The following HEMK2 variants were observed in gnomAD, a reference collection of about 807,000 sequenced individuals.
HEMK2 encodes HemK methyltransferase 2, ETF1 glutamine and histone H4 lysine.
chr21:28,651,419 T>C, the HEMK2 span, among the ~76,000 whole-genome samples: 1 of 152,216 alleles, frequency 6.6e-6, no homozygotes. Context: ...TGGAAATAAA[T>C]GTGATGGTAG....
At chr21:28,805,595 T>A in the HEMK2 span, among the ~76,000 whole-genome samples, 1 of 152,198 alleles carries the variant, frequency 6.6e-6, no homozygotes, top group Non-Finnish European at 1.5e-5. Flanking sequence ...TATCAGAGTA[T>A]GTTTTGAGTC....
the HEMK2 span, chr21:28,880,059 G>T: frequency 1.4e-6 from 1 of 723,222 alleles, no homozygotes; most frequent in Non-Finnish European, 2.2e-6. Context: ...AAAATAATGT[G>T]TTACGGGCTA....
chr21:28,729,277 T>C, the HEMK2 span, among the ~76,000 whole-genome samples: 3 of 152,174 alleles, frequency 2.0e-5, no homozygotes, highest in Admixed American at 6.5e-5. Context: ...GCACTTGAGA[T>C]GTTCATGCCT....
chr21:28,620,683 T>C, the HEMK2 span, among the ~76,000 whole-genome samples: 5 of 63,900 alleles, frequency 7.8e-5, no homozygotes, highest in African/African-American at 2.1e-4. Context: ...TTTTTTTTTT[T>C]TTTTTTTTGA....
At chr21:28,635,508 A>T in the HEMK2 span, among the ~76,000 whole-genome samples, 1 of 152,200 alleles carries the variant, frequency 6.6e-6, no homozygotes, top group Non-Finnish European at 1.5e-5. Flanking sequence ...CATTACCACT[A>T]AAAATTAACA....
the HEMK2 span, among the ~76,000 whole-genome samples, chr21:28,665,733 T>C: frequency 6.6e-6 from 1 of 151,602 alleles, no homozygotes; most frequent in African/African-American, 2.4e-5. Flanking sequence ...ATCCCATTAC[T>C]GGGTATATAC....
chr21:28,697,639 C>T, the HEMK2 span, among the ~76,000 whole-genome samples: 1 of 152,076 alleles, frequency 6.6e-6, no homozygotes, highest in Admixed American at 6.5e-5. Context: ...GAAGCTGCCA[C>T]CTTCTTTCTC....
chr21:28,717,276 C>T, the HEMK2 span, among the ~76,000 whole-genome samples: 1 of 151,980 alleles, frequency 6.6e-6, no homozygotes, highest in Non-Finnish European at 1.5e-5. Context: ...TTTTTTACTA[C>T]TGATTCAATT....
the HEMK2 span, among the ~76,000 whole-genome samples, chr21:28,677,293 C>T: frequency 5.3e-5 from 8 of 152,262 alleles, no homozygotes; most frequent in East Asian, 1.5e-3. Flanking sequence ...CGGAGCCTTG[C>T]TCCTTGTTAG....
chr21:28,746,666 C>T, the HEMK2 span, among the ~76,000 whole-genome samples: 1 of 78,284 alleles, frequency 1.3e-5, no homozygotes, highest in African/African-American at 4.3e-5. Flanking sequence ...TAAAGTAGGG[C>T]CAATCTAAAA....
At chr21:28,635,802 C>G in the HEMK2 span, among the ~76,000 whole-genome samples, 1 of 152,174 alleles carries the variant, frequency 6.6e-6, no homozygotes, top group Non-Finnish European at 1.5e-5. Context: ...ATAGAACTTT[C>G]TACAATAATG....
the HEMK2 span, among the ~76,000 whole-genome samples, chr21:28,773,906 A>G: frequency 1.3e-5 from 2 of 152,190 alleles, no homozygotes; most frequent in Admixed American, 6.5e-5. Flanking sequence ...GCAAATATCA[A>G]GAATGGTACA....
the HEMK2 span, among the ~76,000 whole-genome samples, chr21:28,866,525 T>C: frequency 1.3e-5 from 2 of 152,096 alleles, no homozygotes; most frequent in Admixed American, 1.3e-4. Context: ...CTCCCCTCTC[T>C]ACTCAAAATA....
the HEMK2 span, among the ~76,000 whole-genome samples, chr21:28,870,808 T>C: frequency 6.6e-6 from 1 of 152,264 alleles, no homozygotes; most frequent in African/African-American, 2.4e-5. Flanking sequence ...CTAAACACTT[T>C]ATAGTCAGAG....
chr21:28,644,801 T>A, the HEMK2 span, among the ~76,000 whole-genome samples: 1 of 152,220 alleles, frequency 6.6e-6, no homozygotes, highest in Admixed American at 6.5e-5. Flanking sequence ...GACCAGGCAA[T>A]GTAAAATACT....
the HEMK2 span, among the ~76,000 whole-genome samples, chr21:28,611,380 C>G: frequency 1.3e-5 from 2 of 152,026 alleles, no homozygotes; most frequent in African/African-American, 4.8e-5. Context: ...CCTATCAAAA[C>G]CTCTTGGATA....
At chr21:28,774,650 T>C in the HEMK2 span, among the ~76,000 whole-genome samples, 1 of 152,338 alleles carries the variant, frequency 6.6e-6, no homozygotes, top group East Asian at 1.9e-4. Context: ...TGAAATATTG[T>C]AAATTAAATT....
At chr21:28,824,945 A>T in the HEMK2 span, among the ~76,000 whole-genome samples, 1 of 152,156 alleles carries the variant, frequency 6.6e-6, no homozygotes, top group Admixed American at 6.5e-5. Flanking sequence ...CAGTTTTAGT[A>T]CTGAAAGTCC....
the HEMK2 span, among the ~76,000 whole-genome samples, chr21:28,769,767 T>C: frequency 6.6e-6 from 1 of 152,126 alleles, no homozygotes; most frequent in South Asian, 2.1e-4. Context: ...GTTATCTAGG[T>C]TATCTTGGAA....
Sources: gnomAD v4.1 joint callset for allele counts (sites outside exome capture counted in the v4.1 genomes callset) on GRCh38, gnomAD v4.1.1 for gene constraint, MANE v1.5 for transcripts, NCBI Gene and HGNC (gene_info 2026-07-23, HGNC 2026-07-21) for gene names.